SMARCAD1: variants seen among roughly 807,000 people sequenced by gnomAD.
SMARCAD1 encodes the protein SNF2 related chromatin remodeling ATPase with DExD box 1, also known as SWI/SNF-related matrix-associated actin-dependent regulator of chromatin subfamily A containing DEAD/H box 1.
Under a neutral mutation model 127.1 loss-of-function variants are expected in SMARCAD1, and 25 were observed. That is an observed-to-expected ratio of 0.20 (90% CI 0.14 to 0.27). The LOEUF (loss-of-function observed/expected upper bound fraction) is 0.27. Ranked by LOEUF, SMARCAD1 falls within the 10% of genes least tolerant of loss-of-function variation. SMARCAD1 has a pLI of 1.00. For synonymous variants in SMARCAD1, 400 were observed against 396.9 expected, an observed-to-expected ratio of 1.01 and a Z score of -0.09; for missense variants, 807 against 1,206.0, an observed-to-expected ratio of 0.67 and a Z score of 4.90.
intron 6 of SMARCAD1, among the ~76,000 whole-genome samples, chr4:94,247,986 C>T (rs926181941): frequency 1.5e-4 from 23 of 152,136 alleles, no homozygotes; most frequent in African/African-American, 5.6e-4. Context: ...TTCCTTAACT[C>T]TTCCCCCACA....
intron 2 of SMARCAD1, among the ~76,000 whole-genome samples, chr4:94,209,941 C>G (rs912534809): frequency 6.6e-6 from 1 of 152,052 alleles, no homozygotes; most frequent in Admixed American, 6.6e-5. Flanking sequence ...ATAGAAGCTT[C>G]TGCTTCTTCA....
At chr4:94,254,033 A>G (rs937067582) in intron 9 of SMARCAD1, among the ~76,000 whole-genome samples, 1 of 152,196 alleles carries the variant, frequency 6.6e-6, no homozygotes, top group Admixed American at 6.5e-5. Context: ...TGCCCTGATA[A>G]GTGTCTTGAA....
intron 2 of SMARCAD1, among the ~76,000 whole-genome samples, chr4:94,225,449 A>G (rs1316005946): frequency 6.6e-6 from 1 of 152,294 alleles, no homozygotes; most frequent in African/African-American, 2.4e-5. Flanking sequence ...TGAGGGTACA[A>G]TCTCCAAATA....
chr4:94,235,192 GT>G, intron 4 of SMARCAD1, among the ~76,000 whole-genome samples: 1 of 127,008 alleles, frequency 7.9e-6, no homozygotes, highest in Non-Finnish European at 1.6e-5. Flanking sequence ...TCACTCTCCA[GT>G]TTTGTCCCTC....
intron 14 of SMARCAD1, among the ~76,000 whole-genome samples, chr4:94,275,796 C>CTTTTATTTTATTTTATTTTTTTTTTTTTT (rs1553920714): frequency 8.2e-5 from 7 of 85,396 alleles, no homozygotes; most frequent in East Asian, 4.2e-4. Flanking sequence ...TTAACATTTT[C>CTTTTATTTTATTTTATTTTTTTTTTTTTT]TTTTTTTTTT....
At position 94,248,231 on chromosome 4, in the gene SMARCAD1, A is replaced by G. The variant is rs375171618; in HGVS notation, c.706-1423A>G. The stretch of plus-strand genomic sequence containing the variant: ...GCATAATGCTTTCAGATATACTACA[A>G]TGTTCATTCATGTTGTGGTGTGTAT... On this transcript the variant is annotated intron_variant, in intron 6 of 23. Coordinates refer to ENST00000354268, the MANE Select transcript of SMARCAD1 (RefSeq NM_020159.5). 8.4e-4 allele frequency among the ~76,000 whole-genome samples: 128 copies of G among 152,258 alleles called. 1 individual carries two copies. Among genetic ancestry groups the G allele is most frequent in the South Asian group, 3.1e-3 (15 of 4,820 alleles).
At chr4:94,266,772 A>G (rs983175580) in intron 10 of SMARCAD1, among the ~76,000 whole-genome samples, 11 of 152,128 alleles carry the variant, frequency 7.2e-5, no homozygotes, top group African/African-American at 2.7e-4. Context: ...GACGAAGTTT[A>G]CTTTGCTACA....
intron 2 of SMARCAD1, among the ~76,000 whole-genome samples, chr4:94,222,213 G>T (rs866803483): frequency 2.0e-4 from 30 of 152,118 alleles, no homozygotes; most frequent in African/African-American, 6.0e-4. Flanking sequence ...CATATCAATG[G>T]TTTGGCATAT....
intron 9 of SMARCAD1, among the ~76,000 whole-genome samples, chr4:94,263,296 AAAAAT>A (rs1223657793): frequency 6.6e-6 from 1 of 152,112 alleles, no homozygotes; most frequent in African/African-American, 2.4e-5. Flanking sequence ...GGTTGCATTT[AAAAAT>A]AAAAGTATTT....
At chr4:94,283,060 C>A in intron 21 of SMARCAD1, 61 bp from the exon 22 acceptor site, 1 of 1,382,394 alleles carries the variant, frequency 7.2e-7, no homozygotes. Context: ...TGATTGTTTT[C>A]CATTTTAATT....
At chr4:94,220,801 G>A (rs1447393570) in intron 2 of SMARCAD1, among the ~76,000 whole-genome samples, 1 of 152,186 alleles carries the variant, frequency 6.6e-6, no homozygotes, top group African/African-American at 2.4e-5. Flanking sequence ...GTAAATGCCA[G>A]TATCACTTAA....
rs140065581 is a variant in SMARCAD1, at chr4:94,279,885, A to G, written c.2419-707A>G. Among the ~76,000 whole-genome samples, 1,022 of 149,828 alleles carry G rather than the reference A, an allele frequency of 6.8e-3. 7 individuals are homozygous for G. Among genetic ancestry groups the G allele is most frequent in the Middle Eastern group, 0.056 (16 of 286 alleles). On this transcript the variant is annotated intron_variant, in intron 19 of 23. Transcript: ENST00000354268. ...CCTTTTCTTTACTTTTTTTTTTGAGATAGACTTTTGCTCTTGTCGCCCAGG... is the reference window on the plus strand; with the variant it reads ...CCTTTTCTTTACTTTTTTTTTTGAGGTAGACTTTTGCTCTTGTCGCCCAGG...
intron 2 of SMARCAD1, among the ~76,000 whole-genome samples, chr4:94,215,640 A>T (rs1271776161): frequency 5.0e-5 from 4 of 79,620 alleles, no homozygotes; most frequent in Admixed American, 1.5e-4. Context: ...GGTGGGGGGG[A>T]GGAGGGGGAT....
At chr4:94,213,083 C>T in intron 2 of SMARCAD1, 1 of 1,288,130 alleles carries the variant, frequency 7.8e-7, no homozygotes, top group Non-Finnish European at 1.0e-6. Flanking sequence ...AAGAGAGATC[C>T]TACTATATTT....
At chr4:94,273,867 C>CT (rs766891204) in intron 12 of SMARCAD1, 151 bp downstream of exon 12, 51 of 659,396 alleles carry the variant, frequency 7.7e-5, no homozygotes, top group Non-Finnish European at 1.2e-4. Context: ...TACTTTTCTC[C>CT]TTTGTTTATA....
chr4:94,250,972 A>G (rs1246759679), intron 8 of SMARCAD1, 139 bp downstream of exon 8: 3 of 635,754 alleles, frequency 4.7e-6, no homozygotes, highest in South Asian at 2.4e-5. Flanking sequence ...GTAATGATGT[A>G]AAAACATTCT....
intron 2 of SMARCAD1, 56 bp from the exon 3 acceptor site, chr4:94,226,063 A>C: frequency 7.2e-7 from 1 of 1,395,510 alleles, no homozygotes; most frequent in Non-Finnish European, 1.0e-6. Context: ...TATAACTAAC[A>C]ACAGATTCGT....
intron 10 of SMARCAD1, among the ~76,000 whole-genome samples, chr4:94,268,512 C>T (rs1752072079): frequency 6.6e-6 from 1 of 152,032 alleles, no homozygotes; most frequent in Non-Finnish European, 1.5e-5. Context: ...AATAGGATGA[C>T]TAAAGAATTG....
intron 22 of SMARCAD1, among the ~76,000 whole-genome samples, chr4:94,284,209 C>T (rs1754523125): frequency 6.6e-6 from 1 of 150,786 alleles, no homozygotes; most frequent in African/African-American, 2.4e-5. Flanking sequence ...CGCCTGTAGT[C>T]CCAGCTACTC....
Sources: gnomAD v4.1 joint callset for allele counts (sites outside exome capture counted in the v4.1 genomes callset) on GRCh38, gnomAD v4.1.1 for gene constraint, MANE v1.5 for transcripts, NCBI Gene and HGNC (gene_info 2026-07-23, HGNC 2026-07-21) for gene names.